CTNNA3: variants seen among roughly 807,000 people sequenced by gnomAD.
CTNNA3 encodes catenin alpha 3.
Under a neutral mutation model 95.7 loss-of-function variants are expected in CTNNA3, and 76 were observed. The observed-to-expected ratio is 0.79, with a 90% CI of 0.66 to 0.96. The LOEUF (loss-of-function observed/expected upper bound fraction) is 0.96, where lower values mean the gene tolerates loss of function less well. Ranked by LOEUF, CTNNA3 falls within the 40% of genes least tolerant of loss-of-function variation. CTNNA3 has a pLI of 0.00. For synonymous variants in CTNNA3, 431 were observed against 374.4 expected, an observed-to-expected ratio of 1.15 and a Z score of -1.74; for missense variants, 1,191 against 1,089.8, an observed-to-expected ratio of 1.09 and a Z score of -1.31.
chr10:66,517,305 G>C (rs974074671), intron 11 of CTNNA3, among the ~76,000 whole-genome samples: 2 of 152,056 alleles, frequency 1.3e-5, no homozygotes, highest in African/African-American at 4.8e-5. Flanking sequence ...TAGGAGCTTG[G>C]TAAAATGATT....
intron 11 of CTNNA3, among the ~76,000 whole-genome samples, chr10:66,441,395 G>C (rs1466248268): frequency 6.6e-6 from 1 of 152,078 alleles, no homozygotes; most frequent in African/African-American, 2.4e-5. Flanking sequence ...AATTTCTCTG[G>C]AGAAAAGGGA....
chr10:67,267,041 T>A (rs1866857372), intron 5 of CTNNA3, among the ~76,000 whole-genome samples: 1 of 152,196 alleles, frequency 6.6e-6, no homozygotes, highest in African/African-American at 2.4e-5. Context: ...GATAATCTGG[T>A]CTATCCTGAC....
At chr10:66,016,539 A>G (rs555345540) in intron 15 of CTNNA3, among the ~76,000 whole-genome samples, 1 of 152,086 alleles carries the variant, frequency 6.6e-6, no homozygotes, top group Non-Finnish European at 1.5e-5. Context: ...AGTAATTTTG[A>G]ATTGTTTTGA....
At chr10:67,495,670 A>G (rs577079195) in intron 5 of CTNNA3, among the ~76,000 whole-genome samples, 103 of 152,320 alleles carry the variant, frequency 6.8e-4, no homozygotes, top group African/African-American at 2.1e-3. Context: ...AGGCAGTATA[A>G]CAACTTGGTT....
At chr10:66,004,187 C>T (rs577348015) in intron 15 of CTNNA3, among the ~76,000 whole-genome samples, 48 of 152,236 alleles carry the variant, frequency 3.2e-4, no homozygotes, top group African/African-American at 1.1e-3. Context: ...TGAAATTCGA[C>T]GGGTACCTCA....
chr10:67,606,761 TG>T lies in CTNNA3; in HGVS notation c.292+95del, dbSNP rs1589480981. 19 of 989,184 alleles carry T rather than the reference TG, an allele frequency of 1.9e-5. No individual in the cohort carries two copies. The East Asian group carries it at 4.6e-4, about 24-fold the overall frequency. The allele number at this position is 989,184 out of a possible 1,614,324, so 61.3% of individuals were successfully genotyped here. ...ACAGCTCTGCAAAAGACTAAAAAACTGGAGCCAACAAAAACAAAACACTCAC... is the reference window on the plus strand; with the variant it reads ...ACAGCTCTGCAAAAGACTAAAAAACTGAGCCAACAAAAACAAAACACTCAC... On this transcript the variant is annotated intron_variant, in intron 3 of 17. Coordinates refer to ENST00000433211, the MANE Select transcript of CTNNA3 (RefSeq NM_013266.4).
Position 67,521,878 on chromosome 10 carries a change from C to A in CTNNA3, c.543G>T (p.Leu181=). The change falls in exon 5 of 18, where the codon CTG becomes CTT. Residue 181 remains leucine (L), a synonymous_variant. Transcript: ENST00000433211. The part of the protein sequence containing the change: ...QKTYQKLGKE[L]ENLDYLAFKR... ...TGAAGGCTAAATAATCCAAATTTTC[C>A]AGCTCCTTCCCAAGCTTCTGGTAGG... is the stretch of plus-strand genomic sequence containing the variant. 1 of 1,612,694 alleles carries A rather than the reference C, an allele frequency of 6.2e-7. No homozygotes were observed. Among genetic ancestry groups the A allele is most frequent in the South Asian group, 1.1e-5 (1 of 90,842 alleles).
At chr10:65,973,966 C>T (rs2078160537) in intron 16 of CTNNA3, among the ~76,000 whole-genome samples, 1 of 152,098 alleles carries the variant, frequency 6.6e-6, no homozygotes, top group Admixed American at 6.6e-5. Flanking sequence ...AGAAGACATA[C>T]AAGTGGCCAA....
At chr10:66,394,551 A>AAC (rs2092959880) in intron 11 of CTNNA3, among the ~76,000 whole-genome samples, 1 of 18,854 alleles carries the variant, frequency 5.3e-5, no homozygotes, top group South Asian at 9.6e-3. Flanking sequence ...GCACTGGGTT[A>AAC]AAAAAAAAAA....
At chr10:66,972,521 C>T (rs1849778543) in intron 7 of CTNNA3, among the ~76,000 whole-genome samples, 1 of 151,948 alleles carries the variant, frequency 6.6e-6, no homozygotes. Flanking sequence ...TATTTTTGGT[C>T]CATTTGCTCT....
intron 12 of CTNNA3, 146 bp downstream of exon 12, chr10:66,379,006 G>T: frequency 3.1e-6 from 2 of 640,882 alleles, no homozygotes; most frequent in Non-Finnish European, 2.7e-6. Context: ...ATTTCAAATC[G>T]CATAACCAAA....
intron 6 of CTNNA3, among the ~76,000 whole-genome samples, chr10:67,205,927 C>T (rs1863876916): frequency 6.6e-6 from 1 of 152,038 alleles, no homozygotes; most frequent in Non-Finnish European, 1.5e-5. Flanking sequence ...CTTTTCAACC[C>T]AAGGATGAAA....
intron 5 of CTNNA3, among the ~76,000 whole-genome samples, chr10:67,462,550 CTT>C (rs1847418362): frequency 6.6e-6 from 1 of 152,170 alleles, no homozygotes; most frequent in Admixed American, 6.6e-5. Flanking sequence ...AGTTTAGTGT[CTT>C]ATACAAAATC....
At chr10:67,458,108 C>T (rs1457042069) in intron 5 of CTNNA3, among the ~76,000 whole-genome samples, 3 of 151,916 alleles carry the variant, frequency 2.0e-5, no homozygotes, top group Admixed American at 2.0e-4. Context: ...AGCATGAGTC[C>T]ACAAAATAAT....
intron 15 of CTNNA3, among the ~76,000 whole-genome samples, chr10:66,020,668 A>T (rs1377730092): frequency 2.2e-5 from 3 of 136,700 alleles, no homozygotes; most frequent in East Asian, 2.1e-4. Flanking sequence ...GATGATCTGA[A>T]TTTTTTTTTT....
intron 13 of CTNNA3, among the ~76,000 whole-genome samples, chr10:66,269,201 G>A (rs2091224296): frequency 6.6e-6 from 1 of 152,136 alleles, no homozygotes; most frequent in Non-Finnish European, 1.5e-5. Flanking sequence ...GAAGTTAAAA[G>A]ACTACATGAC....
intron 7 of CTNNA3, among the ~76,000 whole-genome samples, chr10:66,953,016 G>A (rs1848617539): frequency 6.6e-6 from 1 of 151,988 alleles, no homozygotes; most frequent in Admixed American, 6.6e-5. Flanking sequence ...TTCCCACTAT[G>A]TTCTTTACCT....
At chr10:66,779,840 A>G (rs150089920) in intron 7 of CTNNA3, among the ~76,000 whole-genome samples, 199 of 152,304 alleles carry the variant, frequency 1.3e-3, no homozygotes, top group African/African-American at 4.3e-3. Flanking sequence ...TTTATCATCT[A>G]CTATATGCGG....
intron 5 of CTNNA3, among the ~76,000 whole-genome samples, chr10:67,352,097 A>G (rs1164997474): frequency 6.6e-6 from 1 of 152,014 alleles, no homozygotes; most frequent in African/African-American, 2.4e-5. Context: ...GGATAGAGAC[A>G]AGTAATAAGC....
Sources: allele counts gnomAD v4.1 joint callset (sites outside exome capture counted in the v4.1 genomes callset), GRCh38; gene constraint gnomAD v4.1.1; transcripts MANE v1.5; gene names NCBI Gene and HGNC (gene_info 2026-07-23, HGNC 2026-07-21).